Variants in FAF1 observed in about 807,000 individuals in gnomAD.
FAF1 encodes the protein FAS-associated factor 1.
FAF1 carries 25 observed loss-of-function variants against 92.5 expected under a neutral mutation model. The observed-to-expected ratio is 0.27, with a 90% CI of 0.20 to 0.38. FAF1 has a LOEUF of 0.38. Ranked by LOEUF, FAF1 falls within the 10% of genes least tolerant of loss-of-function variation. The probability of loss-of-function intolerance (pLI) is 1.00; values close to 1 mark genes in which losing one functional copy is unlikely to be tolerated. For synonymous variants in FAF1, 234 were observed against 273.2 expected (o/e 0.86, Z 1.42); for missense variants, 636 against 793.3 (o/e 0.80, Z 2.38).
At chr1:50,761,030 T>C (rs937395910) in intron 4 of FAF1, among the ~76,000 whole-genome samples, 225 of 152,114 alleles carry the variant, frequency 1.5e-3, no homozygotes, top group Middle Eastern at 3.4e-3. Flanking sequence ...CACAGAAATA[T>C]AAACTACCAT....
At chr1:50,759,994 G>A (rs1008320156) in intron 4 of FAF1, among the ~76,000 whole-genome samples, 2 of 151,960 alleles carry the variant, frequency 1.3e-5, no homozygotes, top group African/African-American at 4.8e-5. Context: ...CTTTTTGATG[G>A]GGTTGTTTGT....
intron 5 of FAF1, among the ~76,000 whole-genome samples, chr1:50,739,554 A>C (rs1339253630): frequency 6.6e-6 from 1 of 152,182 alleles, no homozygotes; most frequent in African/African-American, 2.4e-5. Context: ...GTTGGGACTC[A>C]ATTACTTTTT....
intron 15 of FAF1, among the ~76,000 whole-genome samples, chr1:50,519,658 G>C (rs1033581588): frequency 6.6e-6 from 1 of 152,152 alleles, no homozygotes; most frequent in Non-Finnish European, 1.5e-5. Context: ...TTGTTAAAGT[G>C]AAATATCTAA....
intron 12 of FAF1, among the ~76,000 whole-genome samples, chr1:50,579,962 A>G (rs374016862): frequency 6.6e-6 from 1 of 152,192 alleles, no homozygotes; most frequent in African/African-American, 2.4e-5. Context: ...ATATGTGAAA[A>G]TGGTATTGTG....
At chr1:50,551,444 T>C (rs994086931) in intron 13 of FAF1, among the ~76,000 whole-genome samples, 1 of 152,198 alleles carries the variant, frequency 6.6e-6, no homozygotes, top group African/African-American at 2.4e-5. Context: ...GTAACTATCA[T>C]GAGGAATCTG....
intron 15 of FAF1, among the ~76,000 whole-genome samples, chr1:50,493,020 A>G (rs1052099932): frequency 3.3e-5 from 5 of 151,476 alleles, no homozygotes; most frequent in African/African-American, 1.2e-4. Flanking sequence ...GTCATCGATT[A>G]AAGGATTAAA....
intron 1 of FAF1, among the ~76,000 whole-genome samples, chr1:50,905,939 A>ACG: frequency 6.6e-6 from 1 of 152,128 alleles, no homozygotes. Context: ...TGTTTTAGTC[A>ACG]TGAAGTCCTT....
chr1:50,743,670 C>A (rs1659476735), intron 5 of FAF1, among the ~76,000 whole-genome samples: 2 of 152,096 alleles, frequency 1.3e-5, no homozygotes, highest in South Asian at 2.1e-4. Flanking sequence ...ATTAAAATGA[C>A]CCAGTAACTA....
chr1:50,471,469 A>C (rs1410379148), intron 18 of FAF1, among the ~76,000 whole-genome samples: 1 of 152,222 alleles, frequency 6.6e-6, no homozygotes, highest in Non-Finnish European at 1.5e-5. Flanking sequence ...TGTTCCTTTA[A>C]GTCTTAGAGG....
intron 1 of FAF1, among the ~76,000 whole-genome samples, chr1:50,940,851 T>C (rs929936279): frequency 1.3e-5 from 2 of 152,172 alleles, no homozygotes; most frequent in African/African-American, 4.8e-5. Flanking sequence ...CTCTCATTTT[T>C]TGGGAAGATT....
chr1:50,778,838 G>GACAC lies in FAF1; in HGVS notation c.367+9158_367+9161dup, dbSNP rs139878228. Reference sequence around the variant, plus strand: ...ATCCCTTAAAAAAACAAAACACACAGACACACACACACACACACACACAAA... The same window carrying GACAC: ...ATCCCTTAAAAAAACAAAACACACAGACACACACACACACACACACACACACAAA... On this transcript the variant is annotated intron_variant, in intron 4 of 18. Transcript: ENST00000396153. 3.9e-3 allele frequency among the ~76,000 whole-genome samples: 572 copies of GACAC among 147,576 alleles called. 5 individuals are homozygous for GACAC. Among genetic ancestry groups the GACAC allele is most frequent in the African/African-American group, 0.012 (471 of 40,462 alleles).
At chr1:50,956,998 G>A (rs1203764758) in intron 1 of FAF1, among the ~76,000 whole-genome samples, 1 of 152,158 alleles carries the variant, frequency 6.6e-6, no homozygotes, top group Non-Finnish European at 1.5e-5. Flanking sequence ...TCTTATAACT[G>A]AATAAATGCT....
chr1:50,775,342 T>C (rs1319885747), intron 4 of FAF1, among the ~76,000 whole-genome samples: 2 of 152,134 alleles, frequency 1.3e-5, no homozygotes, highest in Non-Finnish European at 2.9e-5. Context: ...AGACCTGCTC[T>C]CTAAGTGTGA....
intron 8 of FAF1, among the ~76,000 whole-genome samples, chr1:50,653,534 G>A (rs574564503): frequency 6.6e-6 from 1 of 152,098 alleles, no homozygotes; most frequent in African/African-American, 2.4e-5. Flanking sequence ...ATTTTTGGTA[G>A]AGACAGGGTT....
At chr1:50,593,053 C>A (rs1017326675) in intron 9 of FAF1, among the ~76,000 whole-genome samples, 7 of 151,830 alleles carry the variant, frequency 4.6e-5, no homozygotes, top group Non-Finnish European at 1.0e-4. Flanking sequence ...ACACATATTT[C>A]AACTTAATAT....
At chr1:50,715,934 A>G (rs1658149044) in intron 6 of FAF1, among the ~76,000 whole-genome samples, 2 of 152,230 alleles carry the variant, frequency 1.3e-5, no homozygotes, top group Admixed American at 6.5e-5. Context: ...ATTAGCTTAC[A>G]TATATCAAGT....
At chr1:50,836,170 G>GGTTTTTTTTTT (rs1644200322) in intron 2 of FAF1, among the ~76,000 whole-genome samples, 3 of 98,526 alleles carry the variant, frequency 3.0e-5, no homozygotes, top group African/African-American at 1.3e-4. Flanking sequence ...TTTTGTTTCT[G>GGTTTTTTTTTT]TTTTTTTTTT....
At position 50,537,700 on chromosome 1, in the gene FAF1, G is replaced by T. The variant is rs559940048; in HGVS notation, c.1405+1892C>A. On this transcript the variant is annotated intron_variant, in intron 14 of 18. Transcript: ENST00000396153. ...AGAAGAGCAGCATTGTAACATTTTT[G>T]CAAATCTCTGTAATGTGTGTGCTTA... is the stretch of plus-strand genomic sequence containing the variant. Among the ~76,000 whole-genome samples the T allele has an allele frequency of 3.3e-5, 5 of 152,126 alleles. No individual in the cohort carries two copies. In the South Asian group the frequency reaches 1.0e-3, roughly 32 times the overall value.
intron 2 of FAF1, among the ~76,000 whole-genome samples, chr1:50,843,335 T>C (rs973054401): frequency 7.9e-5 from 12 of 152,324 alleles, no homozygotes; most frequent in African/African-American, 2.2e-4. Flanking sequence ...CAATGTACAA[T>C]GATAAAATCT....
Sources: allele counts gnomAD v4.1 joint callset (sites outside exome capture counted in the v4.1 genomes callset), GRCh38; gene constraint gnomAD v4.1.1; transcripts MANE v1.5; gene names NCBI Gene and HGNC (gene_info 2026-07-23, HGNC 2026-07-21).